RBFOX1: variants seen among roughly 807,000 people sequenced by gnomAD.
RBFOX1 encodes the protein RNA binding protein fox-1 homolog 1.
RBFOX1 carries 8 observed loss-of-function variants against 57.7 expected under a neutral mutation model. The ratio of observed to expected loss-of-function variants is 0.14; its 90% CI spans 0.08 to 0.25. The LOEUF (loss-of-function observed/expected upper bound fraction) is 0.25. RBFOX1 is among the 10% of genes least tolerant of loss of function. RBFOX1 has a pLI of 1.00. For missense variants in RBFOX1, 611 were observed against 548.5 expected, an observed-to-expected ratio of 1.11 and a Z score of -1.14; for synonymous variants, 326 against 222.4, an observed-to-expected ratio of 1.47 and a Z score of -4.15.
chr16:5,346,167 G>T (rs1385660310), intron 1 of RBFOX1, among the ~76,000 whole-genome samples: 1 of 152,162 alleles, frequency 6.6e-6, no homozygotes, highest in African/African-American at 2.4e-5. Context: ...GGAGGCAGAG[G>T]GGAGTTTCGA....
chr16:5,523,076 A>G (rs772873406), intron 2 of RBFOX1, among the ~76,000 whole-genome samples: 2 of 152,046 alleles, frequency 1.3e-5, no homozygotes, highest in Admixed American at 1.3e-4. Flanking sequence ...TCACAAGGTC[A>G]GGAGTTCGAG....
intron 3 of RBFOX1, among the ~76,000 whole-genome samples, chr16:6,906,724 A>AT (rs200335697): frequency 0.48 from 67,991 of 141,866 alleles, 16,322 homozygotes; most frequent in African/African-American, 0.54. Context: ...TTGCAGAACT[A>AT]TTTTTTTTTT....
At chr16:6,916,513 A>G (rs1371369504) in intron 3 of RBFOX1, among the ~76,000 whole-genome samples, 1 of 150,846 alleles carries the variant, frequency 6.6e-6, no homozygotes, top group African/African-American at 2.4e-5. Context: ...TTGTCATTCT[A>G]CGACCATCTC....
At chr16:7,267,355 C>T (rs1471432355) in intron 4 of RBFOX1, among the ~76,000 whole-genome samples, 1 of 151,470 alleles carries the variant, frequency 6.6e-6, no homozygotes, top group East Asian at 2.0e-4. Flanking sequence ...GGCAACATGG[C>T]AAAACCCCGT....
chr16:6,351,370 ATATTTT>A (rs1247490502), intron 2 of RBFOX1, among the ~76,000 whole-genome samples: 20 of 100,538 alleles, frequency 2.0e-4, no homozygotes, highest in African/African-American at 1.0e-3. Flanking sequence ...ATATATATAT[ATATTTT>A]TTTTTTTTTT....
intron 12 of RBFOX1, among the ~76,000 whole-genome samples, chr16:7,657,689 C>G (rs566051089): frequency 2.6e-5 from 4 of 152,214 alleles, no homozygotes; most frequent in Admixed American, 1.3e-4. Context: ...TGAAGAACAT[C>G]GGTTATGAAG....
chr16:7,298,755 G>A (rs540205944), intron 4 of RBFOX1, among the ~76,000 whole-genome samples: 25 of 152,266 alleles, frequency 1.6e-4, no homozygotes, highest in East Asian at 7.7e-4. Flanking sequence ...AAATCATAAC[G>A]AAGAGAAAAC....
intron 4 of RBFOX1, among the ~76,000 whole-genome samples, chr16:7,413,910 T>C (rs995996185): frequency 7.9e-5 from 12 of 152,164 alleles, no homozygotes; most frequent in Admixed American, 5.2e-4. Context: ...ATTCGTTAAG[T>C]GCAGAGCCTG....
intron 3 of RBFOX1, among the ~76,000 whole-genome samples, chr16:5,680,633 G>A (rs963409586): frequency 1.3e-5 from 2 of 152,242 alleles, no homozygotes; most frequent in Admixed American, 1.3e-4. Flanking sequence ...AGTCAGCGGA[G>A]TGAAGGAGAA....
At chr16:7,556,859 T>C (rs1251329667) in intron 5 of RBFOX1, among the ~76,000 whole-genome samples, 1 of 152,346 alleles carries the variant, frequency 6.6e-6, no homozygotes, top group East Asian at 1.9e-4. Context: ...ATAAAGGTTG[T>C]TATTGTTGTT....
chr16:6,184,574 A>G (rs1394364747), intron 1 of RBFOX1, among the ~76,000 whole-genome samples: 2 of 152,016 alleles, frequency 1.3e-5, no homozygotes, highest in Non-Finnish European at 2.9e-5. Flanking sequence ...TATTCTTATT[A>G]TTTTAGACAG....
At chr16:5,342,897 GAGATTAACCCCTACCCCAC>G (rs368559752) in intron 1 of RBFOX1, among the ~76,000 whole-genome samples, 259 of 151,974 alleles carry the variant, frequency 1.7e-3, no homozygotes, top group African/African-American at 5.9e-3. Flanking sequence ...GGGGTATAGG[GAGATTAACCCCTACCCCAC>G]AAGCCAAGAT....
At chr16:6,870,026 C>G (rs1473956255) in intron 3 of RBFOX1, among the ~76,000 whole-genome samples, 1 of 152,122 alleles carries the variant, frequency 6.6e-6, no homozygotes, top group Non-Finnish European at 1.5e-5. Context: ...CTATGCATAT[C>G]TATCTCTCAG....
chr16:5,833,046 A>G (rs2056333323), intron 3 of RBFOX1, among the ~76,000 whole-genome samples: 1 of 152,112 alleles, frequency 6.6e-6, no homozygotes, highest in Non-Finnish European at 1.5e-5. Flanking sequence ...TTTCCATTCA[A>G]TTTCAGGGTG....
chr16:7,404,439 C>T (rs1758378721), intron 4 of RBFOX1, among the ~76,000 whole-genome samples: 1 of 152,188 alleles, frequency 6.6e-6, no homozygotes, highest in Non-Finnish European at 1.5e-5. Context: ...GTGATAGCTT[C>T]TTAGAGGTGA....
intron 12 of RBFOX1, among the ~76,000 whole-genome samples, chr16:7,660,449 G>A (rs2067437814): frequency 6.6e-6 from 1 of 152,062 alleles, no homozygotes; most frequent in African/African-American, 2.4e-5. Flanking sequence ...GGATCCCTGT[G>A]CCTCTTTCCC....
At chr16:7,459,313 A>G (rs1228136493) in intron 4 of RBFOX1, among the ~76,000 whole-genome samples, 1 of 152,234 alleles carries the variant, frequency 6.6e-6, no homozygotes, top group Non-Finnish European at 1.5e-5. Flanking sequence ...GAGAAAGTCC[A>G]GAGATCCTTT....
At chr16:7,036,552 A>G (rs949107393) in intron 3 of RBFOX1, among the ~76,000 whole-genome samples, 1 of 151,852 alleles carries the variant, frequency 6.6e-6, no homozygotes, top group African/African-American at 2.4e-5. Flanking sequence ...AATTAGCTGG[A>G]TACTGTGGCG....
At position 7,553,948 on chromosome 16, in the gene RBFOX1, A is replaced by G. The variant is rs562727415; in HGVS notation, c.271-25829A>G. On this transcript the variant is annotated intron_variant, in intron 5 of 15. Transcript: ENST00000550418. ...ATGTCAGGCTCTATACATTAGGATT[A>G]AAGAATGTAAGAAGGCCAGGCCCAG... Among the ~76,000 whole-genome samples, 10 of 152,334 alleles carry G rather than the reference A, an allele frequency of 6.6e-5. No homozygotes were observed. In the East Asian group the frequency reaches 1.9e-3, roughly 29 times the overall value.
Sources: allele counts gnomAD v4.1 joint callset (sites outside exome capture counted in the v4.1 genomes callset), GRCh38; gene constraint gnomAD v4.1.1; transcripts MANE v1.5; gene names NCBI Gene and HGNC (gene_info 2026-07-23, HGNC 2026-07-21).